The following FER variants were observed in gnomAD, a reference collection of about 807,000 sequenced individuals.
FER encodes tyrosine-protein kinase Fer.
Under a neutral mutation model 111.0 loss-of-function variants are expected in FER, and 63 were observed. The ratio of observed to expected loss-of-function variants is 0.57; its 90% CI spans 0.46 to 0.70. The LOEUF is 0.70. FER is among the 30% of genes least tolerant of loss of function. FER has a pLI of 0.00. For synonymous variants in FER, 327 were observed against 313.9 expected (o/e 1.04, Z -0.44); for missense variants, 914 against 954.0 (o/e 0.96, Z 0.55).
intron 2 of FER, among the ~76,000 whole-genome samples, chr5:108,786,150 A>G (rs1361800397): frequency 6.6e-6 from 1 of 152,196 alleles, no homozygotes; most frequent in Non-Finnish European, 1.5e-5. Flanking sequence ...AGTTCATTAA[A>G]CATCCTCTAT....
chr5:108,860,316 T>C (rs1763397149), intron 5 of FER, among the ~76,000 whole-genome samples: 1 of 152,234 alleles, frequency 6.6e-6, no homozygotes, highest in Non-Finnish European at 1.5e-5. Flanking sequence ...CCAAATTCTG[T>C]GCTTTATTTA....
chr5:109,018,269 G>C (rs1480884674), intron 13 of FER, among the ~76,000 whole-genome samples: 1 of 151,760 alleles, frequency 6.6e-6, no homozygotes, highest in Non-Finnish European at 1.5e-5. Flanking sequence ...GATAGTCATT[G>C]AGTGGTTTTG....
chr5:108,919,979 A>G (rs1752812482), intron 10 of FER, among the ~76,000 whole-genome samples: 1 of 152,144 alleles, frequency 6.6e-6, no homozygotes, highest in Admixed American at 6.5e-5. Context: ...TGTTTAGTAC[A>G]GTGCCTGGTA....
At chr5:109,135,362 A>T (rs991326351) in intron 17 of FER, among the ~76,000 whole-genome samples, 2 of 152,190 alleles carry the variant, frequency 1.3e-5, no homozygotes, top group Admixed American at 6.5e-5. Flanking sequence ...GATTTTCTCC[A>T]GATCATATAA....
chr5:108,795,526 G>A (rs911753934), intron 2 of FER, among the ~76,000 whole-genome samples: 5 of 151,386 alleles, frequency 3.3e-5, no homozygotes, highest in Non-Finnish European at 7.4e-5. Flanking sequence ...GTTCTCGTAG[G>A]CATGGTTTAT....
At chr5:108,848,916 A>G (rs1580858500) in intron 5 of FER, among the ~76,000 whole-genome samples, 1 of 152,160 alleles carries the variant, frequency 6.6e-6, no homozygotes, top group East Asian at 1.9e-4. Context: ...ATTTTAAAAT[A>G]TATTTTTTGG....
intron 13 of FER, among the ~76,000 whole-genome samples, chr5:109,020,064 A>G (rs964942352): frequency 1.3e-5 from 2 of 151,984 alleles, no homozygotes; most frequent in African/African-American, 2.4e-5. Flanking sequence ...TTGACCTCTT[A>G]ACACGCCCAC....
chr5:108,759,080 G>A (rs1439847777), intron 1 of FER, among the ~76,000 whole-genome samples: 1 of 152,202 alleles, frequency 6.6e-6, no homozygotes, highest in Non-Finnish European at 1.5e-5. Context: ...TGAACAGACT[G>A]TCTTAGGGTC....
intron 16 of FER, among the ~76,000 whole-genome samples, chr5:109,080,329 G>A (rs899027555): frequency 1.3e-5 from 2 of 151,976 alleles, no homozygotes; most frequent in African/African-American, 4.8e-5. Context: ...GTGCTTTCTG[G>A]GAAGTGATGA....
intron 9 of FER, among the ~76,000 whole-genome samples, chr5:108,889,114 A>G (rs566226225): frequency 3.3e-5 from 5 of 151,936 alleles, no homozygotes; most frequent in Admixed American, 3.3e-4. Context: ...AAAAACCTGA[A>G]CTCAGTTAGT....
At chr5:109,083,079 G>A (rs1447181196) in intron 16 of FER, among the ~76,000 whole-genome samples, 1 of 151,994 alleles carries the variant, frequency 6.6e-6, no homozygotes, top group African/African-American at 2.4e-5. Context: ...TAGTGTTCTT[G>A]AAGAAATAAT....
At chr5:108,825,171 A>T (rs984048998) in intron 3 of FER, among the ~76,000 whole-genome samples, 8 of 152,182 alleles carry the variant, frequency 5.3e-5, no homozygotes, top group Admixed American at 5.2e-4. Flanking sequence ...ATCAGGAGAC[A>T]GAGTTTTGAG....
At chr5:108,865,177 A>G (rs961181240) in intron 5 of FER, among the ~76,000 whole-genome samples, 1 of 152,182 alleles carries the variant, frequency 6.6e-6, no homozygotes, top group Non-Finnish European at 1.5e-5. Flanking sequence ...GTGTATAAGA[A>G]TGCTTGTGAT....
intron 17 of FER, among the ~76,000 whole-genome samples, chr5:109,161,281 CA>C (rs943316750): frequency 6.6e-6 from 1 of 151,884 alleles, no homozygotes; most frequent in African/African-American, 2.4e-5. Context: ...ATTTTAAGTT[CA>C]GGGGTATATG....
rs1760630356 is a variant in FER at position 108,971,295 on chromosome 5, A to C, written c.1656+11948A>C. ...CTCAAAAAAAAAAAAAAAAAAAAAA[A>C]ACCCAGAAAGAAAGAAAGAAATTCT... On this transcript the variant is annotated intron_variant, in intron 13 of 19. Transcript: ENST00000281092. Among the ~76,000 whole-genome samples, 2 of 150,256 alleles carry C rather than the reference A, an allele frequency of 1.3e-5. 1 individual carries two copies. Among genetic ancestry groups the C allele is most frequent in the Non-Finnish European group, 3.0e-5 (2 of 67,576 alleles).
chr5:108,782,225 T>C (rs534608271), intron 2 of FER, among the ~76,000 whole-genome samples: 1 of 152,160 alleles, frequency 6.6e-6, no homozygotes, highest in South Asian at 2.1e-4. Flanking sequence ...CCTAGAAGAG[T>C]TGTAGATTTT....
At chr5:109,003,329 A>C (rs868634738) in intron 13 of FER, among the ~76,000 whole-genome samples, 1 of 152,238 alleles carries the variant, frequency 6.6e-6, no homozygotes, top group African/African-American at 2.4e-5. Context: ...ACATGGATGA[A>C]GATGGAAACC....
At chr5:108,938,544 A>G (rs1389286739) in intron 10 of FER, among the ~76,000 whole-genome samples, 1 of 151,998 alleles carries the variant, frequency 6.6e-6, no homozygotes, top group Non-Finnish European at 1.5e-5. Context: ...TCCAGGGCTG[A>G]ATTTTGCCAC....
intron 5 of FER, among the ~76,000 whole-genome samples, chr5:108,844,051 T>C (rs879881893): frequency 0.047 from 5,262 of 111,452 alleles, 219 homozygotes; most frequent in African/African-American, 0.059. Flanking sequence ...CATATATATG[T>C]GTGTGAACAT....
Sources: allele counts gnomAD v4.1 joint callset (sites outside exome capture counted in the v4.1 genomes callset), GRCh38; gene constraint gnomAD v4.1.1; transcripts MANE v1.5; gene names NCBI Gene and HGNC (gene_info 2026-07-23, HGNC 2026-07-21).